Variants in SNX12 observed in about 807,000 individuals in gnomAD.
SNX12 encodes sorting nexin-12.
For missense variants in SNX12, 62 were observed against 141.3 expected (o/e 0.44, Z 2.84); for synonymous variants, 47 against 56.0 (o/e 0.84, Z 0.71).
upstream of SNX12, among the ~76,000 whole-genome samples, chrX:71,072,207 G>A (rs774985905): frequency 2.8e-5 from 3 of 106,935 alleles, no homozygotes; most frequent in Non-Finnish European, 5.8e-5. Context: ...GCAGTGATCC[G>A]AGATCGAGCC....
chrX:71,069,669 G>A (rs1328403550), upstream of SNX12, among the ~76,000 whole-genome samples: 1 of 111,863 alleles, frequency 8.9e-6, no homozygotes, highest in Non-Finnish European at 1.9e-5. Flanking sequence ...GGCCGGGCGC[G>A]GTGGCTCACA....
In SNX12 at chrX:71,060,921, G is replaced by A. The variant is rs2092129021; in HGVS notation, c.*95C>T. The A allele has an allele frequency of 1.5e-6, 1 of 657,236 alleles. No individual in the cohort carries two copies. Among genetic ancestry groups the A allele is most frequent in the African/African-American group, 2.2e-5 (1 of 45,578 alleles). The allele number at this position is 657,236 out of a possible 1,213,427, so 54.2% of individuals were successfully genotyped here. A position where few individuals can be genotyped will look rare whatever the true frequency, so the allele number is the denominator to read the frequency against. ...AGACAGTCTATCAGGCCAGGAGATG[G>A]GCAGCCAACTTCAGATCAAAGACAG... On this transcript the variant is annotated 3_prime_UTR_variant, in exon 4 of 4. Transcript: ENST00000374274.
Position 71,061,005 on chromosome X carries a change from G to A in SNX12, c.*11C>T. 1.7e-6 allele frequency: 2 copies of A among 1,170,961 alleles called. No individual in the cohort carries two copies. The highest frequency in any genetic ancestry group is 1.8e-5 in the South Asian group (1 of 54,932). Reference sequence around the variant, plus strand: ...AGCAGGAAAGTAGAGGGCAGGTGGTGAGAGGGGCTCCTACTGGCGCACCTT... The same window carrying A: ...AGCAGGAAAGTAGAGGGCAGGTGGTAAGAGGGGCTCCTACTGGCGCACCTT... On this transcript the variant is annotated 3_prime_UTR_variant, in exon 4 of 4. Coordinates refer to ENST00000374274, the MANE Select transcript of SNX12 (RefSeq NM_013346.4).
chrX:71,068,670 C>A (rs1033593136), upstream of SNX12, among the ~76,000 whole-genome samples: 1 of 113,161 alleles, frequency 8.8e-6, no homozygotes, highest in Non-Finnish European at 1.9e-5. Context: ...TACCGTGTAT[C>A]AATCAACAGT....
rs1169726121 is a variant in SNX12, at chrX:71,060,265, A to C, written c.*751T>G. On this transcript the variant is annotated 3_prime_UTR_variant, in exon 4 of 4. Coordinates refer to ENST00000374274, the MANE Select transcript of SNX12 (RefSeq NM_013346.4). Reference sequence around the variant, plus strand: ...CTTAGGGAGGGAGAACTGCTGGCCCATACTGACTCACCAGCTGATGAGCAA... The same window carrying C: ...CTTAGGGAGGGAGAACTGCTGGCCCCTACTGACTCACCAGCTGATGAGCAA... 1 of 112,050 alleles carries C rather than the reference A, an allele frequency of 8.9e-6. No individual in the cohort carries two copies. Among genetic ancestry groups the C allele is most frequent in the African/African-American group, 3.2e-5 (1 of 30,783 alleles). The allele number at this position is 112,050 out of a possible 1,213,427, so 9.2% of individuals were successfully genotyped here. A position where few individuals can be genotyped will look rare whatever the true frequency, so the allele number is the denominator to read the frequency against.
intron 1 of SNX12, 23 bp from the exon 2 acceptor site, chrX:71,062,972 GAAGA>G: frequency 2.8e-6 from 3 of 1,053,980 alleles, no homozygotes; most frequent in Non-Finnish European, 4.0e-6. Context: ...AAAAATTAAA[GAAGA>G]AAGATGGTAA....
At chrX:71,071,515 ATT>A (rs1280761774), upstream of SNX12, among the ~76,000 whole-genome samples, 5 of 31,388 alleles carry the variant, frequency 1.6e-4, no homozygotes, top group African/African-American at 1.1e-3. Context: ...TTATATATTA[ATT>A]TATATATATA....
Position 71,066,418 on chromosome X carries a change from C to T in SNX12, c.165+1724G>A, listed in dbSNP as rs766992035. Among the ~76,000 whole-genome samples, 8 of 109,744 alleles carry T rather than the reference C, an allele frequency of 7.3e-5. No homozygotes were observed. The South Asian group carries it at 2.0e-3, about 27-fold the overall frequency. ...CAGCCTGGCCAACATGGCGAAACCC[C>T]GTCTCTATTAAAAATACAAAAATTA... On this transcript the variant is annotated intron_variant, in intron 1 of 3. Transcript: ENST00000374274.
Position 71,061,181 on chromosome X carries a change from G to A in SNX12, c.387-63C>T, listed in dbSNP as rs1460275981. 3.1e-6 allele frequency: 3 copies of A among 962,900 alleles called. No individual in the cohort carries two copies. In the East Asian group the frequency reaches 9.6e-5, roughly 31 times the overall value. 79.4% of individuals were successfully genotyped at this position (962,900 alleles called of 1,213,427 possible). ...AATCAGAGAGAATTAGCAGAGGGATGGGGATGTGGACAGGGGAAGAAGGGC... is the reference window on the plus strand; with the variant it reads ...AATCAGAGAGAATTAGCAGAGGGATAGGGATGTGGACAGGGGAAGAAGGGC... On this transcript the variant is annotated intron_variant, in intron 3 of 3. Transcript: ENST00000374274.
rs1312765540 is a variant in SNX12 at position 71,062,955 on chromosome X, T to C, written c.166-6A>G. ...TTGAAGATAGGTAGGTTTGTCTACATGGAAGGAAAAATTAAAGAAGAAAGA... is the reference window on the plus strand; with the variant it reads ...TTGAAGATAGGTAGGTTTGTCTACACGGAAGGAAAAATTAAAGAAGAAAGA... On this transcript the variant is annotated splice_region_variant and splice_polypyrimidine_tract_variant and intron_variant, in intron 1 of 3. Transcript: ENST00000374274. 1 of 1,148,626 alleles carries C rather than the reference T, an allele frequency of 8.7e-7. No homozygotes were observed. Among genetic ancestry groups the C allele is most frequent in the East Asian group, 3.0e-5 (1 of 33,415 alleles). The allele number at this position is 1,148,626 out of a possible 1,213,427, so 94.7% of individuals were successfully genotyped here.
chrX:71,063,915 G>A (rs948253575), intron 1 of SNX12, among the ~76,000 whole-genome samples: 2 of 111,321 alleles, frequency 1.8e-5, no homozygotes, highest in African/African-American at 6.5e-5. Context: ...AGATCTCTAT[G>A]TGCCAGTATG....
chrX:71,069,361 G>A (rs1274269186), upstream of SNX12, among the ~76,000 whole-genome samples: 1 of 111,934 alleles, frequency 8.9e-6, no homozygotes, highest in Non-Finnish European at 1.9e-5. Context: ...TATCCACTAA[G>A]CAAATACGTG....
intron 1 of SNX12, among the ~76,000 whole-genome samples, chrX:71,064,341 C>T (rs188474690): frequency 1.8e-5 from 2 of 112,165 alleles, no homozygotes; most frequent in Admixed American, 9.5e-5. Context: ...CCTCTCTGAA[C>T]TCTTCTGACA....
chrX:71,064,939 T>C (rs1162249750), intron 1 of SNX12, among the ~76,000 whole-genome samples: 2 of 112,903 alleles, frequency 1.8e-5, no homozygotes, highest in Admixed American at 9.4e-5. Context: ...AGTTCTCAAA[T>C]AGGCCATCAA....
upstream of SNX12, chrX:71,073,204 A>T (rs2092178395): frequency 9.0e-6 from 1 of 111,636 alleles, no homozygotes; most frequent in Non-Finnish European, 1.9e-5. Context: ...GGCGGTGAGA[A>T]ATGGAGATTT....
At chrX:71,065,013 T>C (rs2092146152) in intron 1 of SNX12, among the ~76,000 whole-genome samples, 1 of 112,582 alleles carries the variant, frequency 8.9e-6, no homozygotes, top group African/African-American at 3.2e-5. Flanking sequence ...CCAAGGAATG[T>C]CAATAGGTTG....
chrX:71,069,968 A>G (rs866852855), upstream of SNX12, among the ~76,000 whole-genome samples: 1 of 96,270 alleles, frequency 1.0e-5, no homozygotes, highest in Non-Finnish European at 2.2e-5. Flanking sequence ...AGGAAAAGAA[A>G]AGAGAGAGAG....
chrX:71,065,527 G>A (rs1403103336), intron 1 of SNX12, among the ~76,000 whole-genome samples: 5 of 106,622 alleles, frequency 4.7e-5, no homozygotes, highest in East Asian at 2.9e-4. Flanking sequence ...AAATTAGGCC[G>A]GGCATGGTGG....
chrX:71,065,294 G>A (rs1474476991), intron 1 of SNX12, among the ~76,000 whole-genome samples: 5 of 103,803 alleles, frequency 4.8e-5, no homozygotes, highest in Non-Finnish European at 5.9e-5. Flanking sequence ...GGAGGCGGAG[G>A]CTGCAGTGAG....
Sources: allele counts gnomAD v4.1 joint callset (sites outside exome capture counted in the v4.1 genomes callset), GRCh38; gene constraint gnomAD v4.1.1; transcripts MANE v1.5; gene names NCBI Gene and HGNC (gene_info 2026-07-23, HGNC 2026-07-21).